Variants in PGM5 observed in about 807,000 individuals in gnomAD.
PGM5 encodes phosphoglucomutase 5.
PGM5 carries 23 observed loss-of-function variants against 59.2 expected under a neutral mutation model. The ratio of observed to expected loss-of-function variants is 0.39; its 90% CI spans 0.28 to 0.55. The LOEUF is 0.55. PGM5 is among the 20% of genes least tolerant of loss of function. The pLI, the probability that PGM5 is intolerant of heterozygous loss-of-function variation, is 0.66. For missense variants in PGM5, 574 were observed against 748.3 expected (o/e 0.77, Z 2.72); for synonymous variants, 214 against 286.0 (o/e 0.75, Z 2.54).
chr9:68,511,838 T>A (rs1459994771), intron 10 of PGM5, among the ~76,000 whole-genome samples: 5 of 152,208 alleles, frequency 3.3e-5, no homozygotes, highest in Non-Finnish European at 7.3e-5. Flanking sequence ...ATTTGTTTTA[T>A]AATGCAATTG....
At chr9:68,442,245 C>G (rs1007743961) in intron 6 of PGM5, among the ~76,000 whole-genome samples, 2 of 152,036 alleles carry the variant, frequency 1.3e-5, no homozygotes, top group Non-Finnish European at 2.9e-5. Flanking sequence ...AGAGGCAGAA[C>G]AATTTTCAAA....
chr9:68,381,688 T>C (rs1239789542), intron 2 of PGM5, among the ~76,000 whole-genome samples: 7 of 151,250 alleles, frequency 4.6e-5, no homozygotes, highest in Non-Finnish European at 1.0e-4. Flanking sequence ...TTAGAACTAA[T>C]AAATGAATTC....
intron 3 of PGM5, among the ~76,000 whole-genome samples, chr9:68,385,452 T>G (rs1438634352): frequency 6.6e-6 from 1 of 152,080 alleles, no homozygotes; most frequent in Non-Finnish European, 1.5e-5. Context: ...TAAAATGGAT[T>G]GTGTGGGGGG....
chr9:68,359,206 C>A (rs1393794816), intron 1 of PGM5, among the ~76,000 whole-genome samples: 1 of 152,276 alleles, frequency 6.6e-6, no homozygotes, highest in African/African-American at 2.4e-5. Flanking sequence ...AATGGGTCTT[C>A]TATGACAAAC....
chr9:68,379,645 A>G (rs1822014991), intron 2 of PGM5, among the ~76,000 whole-genome samples: 1 of 152,096 alleles, frequency 6.6e-6, no homozygotes, highest in Non-Finnish European at 1.5e-5. Flanking sequence ...CTCCAATCAA[A>G]AGATACAGAA....
At chr9:68,514,576 GCT>G (rs1824798142) in intron 10 of PGM5, among the ~76,000 whole-genome samples, 1 of 152,172 alleles carries the variant, frequency 6.6e-6, no homozygotes, top group African/African-American at 2.4e-5. Context: ...CTGCACTCCA[GCT>G]TGTGTGACAG....
At chr9:68,381,461 C>T (rs1230357071) in intron 2 of PGM5, among the ~76,000 whole-genome samples, 3 of 151,922 alleles carry the variant, frequency 2.0e-5, no homozygotes, top group African/African-American at 7.2e-5. Flanking sequence ...CAATTTAGTA[C>T]ATGGCAGGGA....
intron 7 of PGM5, among the ~76,000 whole-genome samples, chr9:68,473,371 G>A (rs181592337): frequency 5.9e-4 from 90 of 152,268 alleles, no homozygotes; most frequent in African/African-American, 1.9e-3. Context: ...TGCTTTACCC[G>A]CTTTCTTGCA....
At chr9:68,400,055 A>G (rs534396155) in intron 6 of PGM5, among the ~76,000 whole-genome samples, 5 of 151,814 alleles carry the variant, frequency 3.3e-5, no homozygotes, top group African/African-American at 1.2e-4. Flanking sequence ...TTATGTTCTC[A>G]TTATCTTTTG....
At chr9:68,420,865 CAT>C (rs1295801720) in intron 6 of PGM5, among the ~76,000 whole-genome samples, 2 of 152,174 alleles carry the variant, frequency 1.3e-5, no homozygotes, top group Non-Finnish European at 2.9e-5. Context: ...TCAATTGCCT[CAT>C]GTGGTGGTTA....
chr9:68,503,646 G>A (rs1554688813), intron 10 of PGM5, among the ~76,000 whole-genome samples: 2 of 152,174 alleles, frequency 1.3e-5, no homozygotes, highest in Admixed American at 6.5e-5. Flanking sequence ...TCTTAGAACC[G>A]CATCTCTTTG....
At chr9:68,381,129 A>G (rs1822062321) in intron 2 of PGM5, among the ~76,000 whole-genome samples, 1 of 151,834 alleles carries the variant, frequency 6.6e-6, no homozygotes, top group Admixed American at 6.6e-5. Context: ...AACATATTGT[A>G]AGAAAATAAA....
intron 6 of PGM5, among the ~76,000 whole-genome samples, chr9:68,457,736 A>G (rs538712401): frequency 1.3e-5 from 2 of 152,378 alleles, no homozygotes; most frequent in East Asian, 3.8e-4. Context: ...TCATGTCAGT[A>G]ATTATCACTT....
At chr9:68,480,260 C>G (rs1449461065) in intron 8 of PGM5, among the ~76,000 whole-genome samples, 1 of 152,188 alleles carries the variant, frequency 6.6e-6, no homozygotes, top group Non-Finnish European at 1.5e-5. Flanking sequence ...GAAGCTGTGA[C>G]AGGTTGGTAT....
At position 68,447,872 on chromosome 9, in the gene PGM5, A is replaced by G. The variant is rs1026118725; in HGVS notation, c.1044-17221A>G. Among the ~76,000 whole-genome samples the G allele has an allele frequency of 5.3e-5, 8 of 152,302 alleles. No individual in the cohort carries two copies. The East Asian group carries it at 1.5e-3, about 29-fold the overall frequency. ...ACCAGTTCATAGCTTTGGACAAACT[A>G]TTTAATCTCTTGGTAATTCAGTTTT... is the stretch of plus-strand genomic sequence containing the variant. On this transcript the variant is annotated intron_variant, in intron 6 of 10. Transcript: ENST00000396396.
At chr9:68,487,971 T>C (rs1324623723) in intron 9 of PGM5, among the ~76,000 whole-genome samples, 3 of 152,194 alleles carry the variant, frequency 2.0e-5, no homozygotes, top group Admixed American at 6.5e-5. Context: ...GGAATAATAA[T>C]TGTGGCTGTC....
chr9:68,394,316 A>G (rs1822442658), intron 6 of PGM5: 1 of 152,126 alleles, frequency 6.6e-6, no homozygotes, highest in Non-Finnish European at 1.5e-5. Context: ...CTATGGGACA[A>G]ATTAGCTAGG....
At chr9:68,375,073 G>C (rs1272503548) in intron 1 of PGM5, among the ~76,000 whole-genome samples, 2 of 152,140 alleles carry the variant, frequency 1.3e-5, no homozygotes, top group South Asian at 4.1e-4. Flanking sequence ...AGTTGGTGCT[G>C]GCTGTTGTTG....
chr9:68,447,914 G>A (rs1823639471), intron 6 of PGM5, among the ~76,000 whole-genome samples: 1 of 152,134 alleles, frequency 6.6e-6, no homozygotes, highest in Non-Finnish European at 1.5e-5. Flanking sequence ...AGTAGTCTGA[G>A]GATACTGGTT....
Sources: gnomAD v4.1 joint callset for allele counts (sites outside exome capture counted in the v4.1 genomes callset) on GRCh38, gnomAD v4.1.1 for gene constraint, MANE v1.5 for transcripts, NCBI Gene and HGNC (gene_info 2026-07-23, HGNC 2026-07-21) for gene names.